RIIAD1: variants seen among roughly 807,000 people sequenced by gnomAD.
The protein encoded by RIIAD1 is RIIa domain-containing protein 1.
Under a neutral mutation model 13.3 loss-of-function variants are expected in RIIAD1, and 15 were observed. The ratio of observed to expected loss-of-function variants is 1.13; its 90% confidence interval spans 0.76 to 1.74. RIIAD1 has a LOEUF of 1.74. Among genes scored for constraint, RIIAD1 ranks in the 40% most tolerant of loss-of-function variants. The pLI is 0.00. For synonymous variants in RIIAD1, 50 were observed against 43.3 expected (o/e 1.16, Z -0.61); for missense variants, 121 against 112.2 (o/e 1.08, Z -0.35).
At chr1:151,717,266 G>A (rs12132987), upstream of RIIAD1, among the ~76,000 whole-genome samples, 6,178 of 152,308 alleles carry the variant, frequency 0.041, 175 homozygotes, top group Non-Finnish European at 0.066. Flanking sequence ...GATATAGATG[G>A]AGAGGGAAGC....
chr1:151,715,771 C>T, intron 4 of RIIAD1: 1 of 1,596,620 alleles, frequency 6.3e-7, no homozygotes. Flanking sequence ...AACTCTTCTC[C>T]TTCCACATCA....
At position 151,715,014 on chromosome 1, in the gene RIIAD1, C is replaced by T. The variant is rs111961211; in HGVS notation, c.21+485C>T. 4.8e-4 allele frequency among the ~76,000 whole-genome samples: 73 copies of T among 152,118 alleles called. 1 individual carries two copies. The highest frequency in any genetic ancestry group is 4.8e-3 in the South Asian group (23 of 4,804). The stretch of plus-strand genomic sequence containing the variant: ...GAGCTGTTCTCCTTTCCCCTCTCTC[C>T]CTCACCTCCACCTCCCTCCATCTTG... On this transcript the variant is annotated intron_variant, in intron 4 of 8. Coordinates refer to the RIIAD1 transcript ENST00000326413.
upstream of RIIAD1, among the ~76,000 whole-genome samples, chr1:151,721,334 A>T (rs1050122772): frequency 6.6e-6 from 1 of 152,152 alleles, no homozygotes; most frequent in Admixed American, 6.5e-5. Flanking sequence ...TCCACATACA[A>T]TTAAGTCCAG....
At chr1:151,719,679 C>T (rs982242460), upstream of RIIAD1, 25 of 702,634 alleles carry the variant, frequency 3.6e-5, no homozygotes, top group Non-Finnish European at 6.5e-5. Context: ...GCTTCCACCT[C>T]AAGTGGAAGG....
upstream of RIIAD1, among the ~76,000 whole-genome samples, chr1:151,719,072 A>G (rs1673689834): frequency 6.6e-6 from 1 of 152,190 alleles, no homozygotes; most frequent in Non-Finnish European, 1.5e-5. Flanking sequence ...TCCTCCTCCC[A>G]GTCAGTAATT....
At chr1:151,718,605 G>A (rs1238154539), upstream of RIIAD1, among the ~76,000 whole-genome samples, 2 of 152,134 alleles carry the variant, frequency 1.3e-5, no homozygotes, top group Non-Finnish European at 2.9e-5. Flanking sequence ...CCACGCTCTG[G>A]CAGGTGCTTG....
intron 1 of RIIAD1, 120 bp downstream of exon 1, chr1:151,721,740 G>A: frequency 1.8e-6 from 1 of 564,702 alleles, no homozygotes; most frequent in Non-Finnish European, 2.8e-6. Flanking sequence ...CCCTGATAAA[G>A]TGGGGAGGGC....
chr1:151,725,012 G>A (rs977140318), intron 2 of RIIAD1, among the ~76,000 whole-genome samples: 2 of 150,150 alleles, frequency 1.3e-5, no homozygotes, highest in African/African-American at 4.9e-5. Context: ...GTTTCACTGC[G>A]TTAGCCAGGA....
At chr1:151,718,549 C>T (rs1336431667), upstream of RIIAD1, among the ~76,000 whole-genome samples, 1 of 152,122 alleles carries the variant, frequency 6.6e-6, no homozygotes, top group African/African-American at 2.4e-5. Flanking sequence ...ATTCTGTGGA[C>T]CACCTCCCAT....
At chr1:151,723,074 C>T (rs369920227) in intron 2 of RIIAD1, among the ~76,000 whole-genome samples, 6 of 152,340 alleles carry the variant, frequency 3.9e-5, no homozygotes, top group African/African-American at 1.4e-4. Flanking sequence ...TGCTTATAGC[C>T]AGAGGTGGGC....
chr1:151,721,084 C>T (rs1354717350), upstream of RIIAD1, among the ~76,000 whole-genome samples: 1 of 152,156 alleles, frequency 6.6e-6, no homozygotes, highest in African/African-American at 2.4e-5. Context: ...TGGGGTGCTT[C>T]CACGTTGTTT....
chr1:151,722,649 TG>T (rs1204401852), intron 2 of RIIAD1, among the ~76,000 whole-genome samples: 1 of 152,230 alleles, frequency 6.6e-6, no homozygotes, highest in Admixed American at 6.5e-5. Context: ...CATCAGTGGA[TG>T]AAAACAATAG....
chr1:151,722,724 C>T (rs531166853), intron 2 of RIIAD1, among the ~76,000 whole-genome samples: 1 of 152,246 alleles, frequency 6.6e-6, no homozygotes, highest in South Asian at 2.1e-4. Context: ...ATAATGGCAC[C>T]CATCTCCAGG....
At chr1:151,719,805 G>A, upstream of RIIAD1, 1 of 583,166 alleles carries the variant, frequency 1.7e-6, no homozygotes, top group Non-Finnish European at 3.0e-6. Flanking sequence ...GTGAAGAAAG[G>A]CTTGATTGAT....
chr1:151,715,922 G>T (rs1013014270), intron 4 of RIIAD1: 2 of 1,614,130 alleles, frequency 1.2e-6, no homozygotes, highest in Admixed American at 3.3e-5. Flanking sequence ...TCAGCTCAAA[G>T]ATCCGACCAA....
intron 3 of RIIAD1, among the ~76,000 whole-genome samples, chr1:151,714,051 C>T (rs1401092645): frequency 1.3e-5 from 2 of 152,208 alleles, no homozygotes; most frequent in Non-Finnish European, 2.9e-5. Flanking sequence ...CTGCCCAGGC[C>T]CTGCTCTACC....
intron 2 of RIIAD1, among the ~76,000 whole-genome samples, chr1:151,724,723 G>A (rs1204185895): frequency 6.6e-6 from 1 of 152,120 alleles, no homozygotes; most frequent in Non-Finnish European, 1.5e-5. Context: ...GTAGGAATCT[G>A]ACTTATTTTA....
rs1673743945 is a variant in RIIAD1 at position 151,721,898 on chromosome 1, C to CCCCT, written c.85-186_85-183dup. 5 of 605,180 alleles carry CCCCT rather than the reference C, an allele frequency of 8.3e-6. No individual in the cohort carries two copies. In the East Asian group the frequency reaches 1.4e-4, roughly 17 times the overall value. The allele number at this position is 605,180 out of a possible 1,614,324, so 37.5% of individuals were successfully genotyped here. A position where few individuals can be genotyped will look rare whatever the true frequency, so the allele number is the denominator to read the frequency against. ...CAGACACATCCGACCTTAGTAAAGG[C>CCCCT]CCCTCATCCTGAACAAGCGGCAGAA... On this transcript the variant is annotated intron_variant, in intron 1 of 4. Coordinates refer to ENST00000479191, the MANE Select transcript of RIIAD1 (RefSeq NM_001144956.3).
chr1:151,724,150 A>T (rs527275907), intron 2 of RIIAD1, among the ~76,000 whole-genome samples: 2 of 152,342 alleles, frequency 1.3e-5, no homozygotes, highest in Non-Finnish European at 2.9e-5. Context: ...AACAGTTTCC[A>T]GGAGCAGCCT....
Sources: allele counts gnomAD v4.1 joint callset (sites outside exome capture counted in the v4.1 genomes callset), GRCh38; gene constraint gnomAD v4.1.1; transcripts MANE v1.5; gene names NCBI Gene and HGNC (gene_info 2026-07-23, HGNC 2026-07-21).